VTI1A: variants seen among roughly 807,000 people sequenced by gnomAD.
VTI1A encodes the protein vesicle transport through interaction with t-SNAREs homolog 1A.
In VTI1A, 22 loss-of-function variants were observed where a neutral mutation model predicts 34.9. The observed-to-expected ratio is 0.63, with a 90% confidence interval of 0.45 to 0.90. The LOEUF is 0.90. Among genes scored for constraint, VTI1A ranks in the 40% least tolerant of loss-of-function variants. The probability of loss-of-function intolerance (pLI) is 0.00; values close to 1 mark genes in which losing one functional copy is unlikely to be tolerated. For missense variants in VTI1A, 268 were observed against 275.6 expected (o/e 0.97, Z 0.20); for synonymous variants, 87 against 97.3 (o/e 0.89, Z 0.62).
chr10:112,790,620 C>G, intron 7 of VTI1A, among the ~76,000 whole-genome samples: 1 of 152,182 alleles, frequency 6.6e-6, no homozygotes. Flanking sequence ...CTGGCAGCCC[C>G]ACCCTGGTAA....
Position 112,638,877 on chromosome 10 carries a change from T to A in VTI1A, c.428-29341T>A, listed in dbSNP as rs1280480651. Among the ~76,000 whole-genome samples the A allele has an allele frequency of 1.3e-5, 2 of 151,750 alleles. 1 individual carries two copies. ...AATTTAATAAAATAAATAAAAACTG[T>A]ACTAGAAATAGGAGATTTTATTTCC... On this transcript the variant is annotated intron_variant, in intron 5 of 7. Coordinates refer to ENST00000393077, the MANE Select transcript of VTI1A (RefSeq NM_145206.4).
At chr10:112,523,922 GAA>G (rs1436825443) in intron 3 of VTI1A, among the ~76,000 whole-genome samples, 2 of 152,062 alleles carry the variant, frequency 1.3e-5, no homozygotes, top group South Asian at 4.2e-4. Flanking sequence ...TGATAATAAA[GAA>G]AAAATATTTT....
chr10:112,506,297 A>G (rs964561218), intron 3 of VTI1A, among the ~76,000 whole-genome samples: 1 of 152,190 alleles, frequency 6.6e-6, no homozygotes, highest in Admixed American at 6.5e-5. Flanking sequence ...CTGCCTTCGT[A>G]TATGTGGTTC....
chr10:112,578,713 G>A (rs1158228850), intron 5 of VTI1A, among the ~76,000 whole-genome samples: 1 of 152,080 alleles, frequency 6.6e-6, no homozygotes, highest in African/African-American at 2.4e-5. Flanking sequence ...TGAAAGCGTA[G>A]CCCCATTCTA....
chr10:112,475,390 A>T (rs902002918), intron 3 of VTI1A, among the ~76,000 whole-genome samples: 1 of 152,256 alleles, frequency 6.6e-6, no homozygotes, highest in Non-Finnish European at 1.5e-5. Flanking sequence ...AGTTTATGTC[A>T]GATTCCTGAT....
intron 5 of VTI1A, among the ~76,000 whole-genome samples, chr10:112,664,330 C>G (rs1409465492): frequency 1.3e-5 from 2 of 152,058 alleles, no homozygotes; most frequent in Non-Finnish European, 2.9e-5. Flanking sequence ...TCAGTCAGTC[C>G]TAACTTCTTA....
chr10:112,518,227 A>G (rs1849859614), intron 3 of VTI1A, among the ~76,000 whole-genome samples: 1 of 152,070 alleles, frequency 6.6e-6, no homozygotes. Context: ...TAACCCATTT[A>G]TGCTGGAGGT....
intron 3 of VTI1A, among the ~76,000 whole-genome samples, chr10:112,518,270 G>C (rs1362631641): frequency 6.6e-6 from 1 of 151,992 alleles, no homozygotes; most frequent in Non-Finnish European, 1.5e-5. Context: ...TCAGACCTTT[G>C]TGATGACCTT....
At chr10:112,599,428 T>G (rs1445583366) in intron 5 of VTI1A, among the ~76,000 whole-genome samples, 2 of 152,128 alleles carry the variant, frequency 1.3e-5, no homozygotes, top group Non-Finnish European at 2.9e-5. Context: ...CGAGCATAGC[T>G]AGGGCGTATG....
intron 7 of VTI1A, chr10:112,752,499 C>A (rs1405928873): frequency 5.1e-6 from 5 of 985,434 alleles, no homozygotes; most frequent in Non-Finnish European, 6.0e-6. Context: ...ACTTTTTGAC[C>A]TTTGTGCTAT....
intron 3 of VTI1A, among the ~76,000 whole-genome samples, chr10:112,517,491 T>C (rs914266410): frequency 6.6e-6 from 1 of 152,090 alleles, no homozygotes; most frequent in Non-Finnish European, 1.5e-5. Context: ...TGGAGCCTAA[T>C]TCCCAACTCC....
chr10:112,732,661 C>G (rs1186778892), intron 7 of VTI1A, among the ~76,000 whole-genome samples: 4 of 152,132 alleles, frequency 2.6e-5, no homozygotes, highest in African/African-American at 4.8e-5. Context: ...TTTTGGAGAT[C>G]CATTACTGGG....
chr10:112,830,608 A>G, the VTI1A span, among the ~76,000 whole-genome samples: 1 of 150,676 alleles, frequency 6.6e-6, no homozygotes, highest in Admixed American at 6.7e-5. Context: ...CATCCACGTT[A>G]TGTGGATCAC....
intron 3 of VTI1A, among the ~76,000 whole-genome samples, chr10:112,484,247 C>T (rs1046030354): frequency 6.6e-6 from 1 of 152,224 alleles, no homozygotes; most frequent in Non-Finnish European, 1.5e-5. Flanking sequence ...ATGCAGAGGT[C>T]AACCTCCATG....
At chr10:112,791,955 G>A (rs895063907) in intron 7 of VTI1A, among the ~76,000 whole-genome samples, 2 of 152,036 alleles carry the variant, frequency 1.3e-5, no homozygotes, top group Admixed American at 1.3e-4. Context: ...ACATTTATAG[G>A]AAAGGAATAA....
At position 112,817,595 on chromosome 10, in the gene VTI1A, T is replaced by C. The variant is rs1223548256; in HGVS notation, c.*2212T>C. 1 of 229,116 alleles carries C rather than the reference T, an allele frequency of 4.4e-6. No individual in the cohort carries two copies. The highest frequency in any genetic ancestry group is 8.7e-6 in the Non-Finnish European group (1 of 115,512). 14.2% of individuals were successfully genotyped at this position (229,116 alleles called of 1,614,324 possible). On this transcript the variant is annotated 3_prime_UTR_variant, in exon 8 of 8. Coordinates refer to ENST00000393077, the MANE Select transcript of VTI1A (RefSeq NM_145206.4). ...CTACCTAGGCCAGGCTAGTGAGTGC[T>C]TTGTGAGGAAGCTGGTCAGAAGGTT...
chr10:112,530,544 A>G (rs182375781), intron 4 of VTI1A, among the ~76,000 whole-genome samples: 81 of 152,334 alleles, frequency 5.3e-4, no homozygotes, highest in Non-Finnish European at 1.0e-3. Flanking sequence ...ATACTCTCTC[A>G]GTTTCTATAT....
chr10:112,505,436 G>A (rs993457520), intron 3 of VTI1A, among the ~76,000 whole-genome samples: 2 of 152,072 alleles, frequency 1.3e-5, no homozygotes, highest in Non-Finnish European at 2.9e-5. Context: ...AGTAATGATG[G>A]TTTTACCTCT....
chr10:112,497,898 C>T (rs911870926), intron 3 of VTI1A, among the ~76,000 whole-genome samples: 2 of 152,086 alleles, frequency 1.3e-5, no homozygotes, highest in Admixed American at 6.5e-5. Context: ...GTTTTACTTA[C>T]GGGAAAGAAT....
Sources: allele counts gnomAD v4.1 joint callset (sites outside exome capture counted in the v4.1 genomes callset), GRCh38; gene constraint gnomAD v4.1.1; transcripts MANE v1.5; gene names NCBI Gene and HGNC (gene_info 2026-07-23, HGNC 2026-07-21).